The following CRK variants were observed in gnomAD, a reference collection of about 807,000 sequenced individuals.
The protein encoded by CRK is CRK proto-oncogene, adaptor protein.
A neutral mutation model predicts 29.8 loss-of-function variants in CRK; 4 were observed. That is an observed-to-expected ratio of 0.13 (90% CI 0.07 to 0.31). The LOEUF (loss-of-function observed/expected upper bound fraction) is 0.31, where lower values mean the gene tolerates loss of function less well. Among genes scored for constraint, CRK ranks in the 10% least tolerant of loss-of-function variants. The pLI is 1.00. For synonymous variants in CRK, 153 were observed against 164.9 expected (o/e 0.93, Z 0.55); for missense variants, 274 against 396.5 (o/e 0.69, Z 2.62).
chr17:1,436,197 C>T (rs935175517), intron 2 of CRK, among the ~76,000 whole-genome samples: 3 of 152,064 alleles, frequency 2.0e-5, no homozygotes, highest in African/African-American at 7.3e-5. Flanking sequence ...GAAGCAAAAA[C>T]AAGTTTTTGC....
At chr17:1,448,707 CA>C (rs1381334013) in intron 1 of CRK, among the ~76,000 whole-genome samples, 2 of 149,892 alleles carry the variant, frequency 1.3e-5, no homozygotes, top group Non-Finnish European at 2.9e-5. Context: ...ATTCCTTCAG[CA>C]ATTTTCAATT....
rs943701956 is a variant in CRK at position 1,456,193 on chromosome 17, G to A, written c.-76C>T. The stretch of plus-strand genomic sequence containing the variant: ...CGGCCCCCGGCGCCCGCCGCCCAGC[G>A]GACCGGCTCCGGTTTCAGCTTCACA... On this transcript the variant is annotated 5_prime_UTR_variant, in exon 1 of 3. Transcript: ENST00000300574. 6 of 1,356,914 alleles carry A rather than the reference G, an allele frequency of 4.4e-6. No individual in the cohort carries two copies. Among genetic ancestry groups the A allele is most frequent in the East Asian group, 6.3e-5 (2 of 31,860 alleles). 84.1% of individuals were successfully genotyped at this position (1,356,914 alleles called of 1,614,324 possible). A position where few individuals can be genotyped will look rare whatever the true frequency, so the allele number is the denominator to read the frequency against.
At chr17:1,435,814 T>C (rs1339741766) in intron 2 of CRK, among the ~76,000 whole-genome samples, 2 of 152,110 alleles carry the variant, frequency 1.3e-5, no homozygotes, top group African/African-American at 2.4e-5. Flanking sequence ...TGAGCCACTG[T>C]GCCCAGTCTG....
chr17:1,430,197 C>A (rs1367186969), intron 2 of CRK, among the ~76,000 whole-genome samples: 1 of 148,088 alleles, frequency 6.8e-6, no homozygotes, highest in Non-Finnish European at 1.5e-5. Flanking sequence ...GGCGTGTGCC[C>A]CCACGCCTGG....
chr17:1,447,267 C>T (rs1288921323), intron 1 of CRK, among the ~76,000 whole-genome samples: 1 of 152,142 alleles, frequency 6.6e-6, no homozygotes, highest in East Asian at 1.9e-4. Context: ...CGACAGGATT[C>T]TCATAGCTAT....
At chr17:1,455,730 AGCCCGAGCAGCCGGCGG>A in intron 1 of CRK, 130 bp downstream of exon 1, 1 of 1,207,652 alleles carries the variant, frequency 8.3e-7, no homozygotes, top group South Asian at 2.0e-5. Flanking sequence ...GGTGAGAGCG[AGCCCGAGCAGCCGGCGG>A]GCCCCTGCCA....
At chr17:1,443,795 G>A (rs1412405590) in intron 1 of CRK, among the ~76,000 whole-genome samples, 1 of 150,374 alleles carries the variant, frequency 6.7e-6, no homozygotes, top group Non-Finnish European at 1.5e-5. Flanking sequence ...TGCCTCCTGG[G>A]TTCATGCAAT....
chr17:1,439,092 G>A (rs529043617), intron 1 of CRK, among the ~76,000 whole-genome samples: 2 of 152,162 alleles, frequency 1.3e-5, no homozygotes, highest in South Asian at 2.1e-4. Flanking sequence ...CCCAAGTTTT[G>A]GGATCATAGG....
intron 1 of CRK, among the ~76,000 whole-genome samples, chr17:1,442,179 G>T (rs1342858102): frequency 6.7e-6 from 1 of 150,210 alleles, no homozygotes; most frequent in African/African-American, 2.5e-5. Context: ...TTTTGAGACA[G>T]GGTCTTGTTC....
chr17:1,436,968 A>G lies in CRK; in HGVS notation c.429T>C (p.Phe143=). ...GAAGATCTTCCTCATCATTCCCATT[A>G]AAGTCAAAGAGGGCTCGCACATACT... The part of the protein sequence containing the change: ...EAEYVRALFD[F]NGNDEEDLPF... The change falls in exon 2 of 3, where the codon TTT becomes TTC. Residue 143 remains phenylalanine, a synonymous_variant. Coordinates refer to ENST00000300574, the MANE Select transcript of CRK (RefSeq NM_016823.4). The G allele has an allele frequency of 6.2e-7, 1 of 1,614,100 alleles. No individual in the cohort carries two copies. Among genetic ancestry groups the G allele is most frequent in the Non-Finnish European group, 8.5e-7 (1 of 1,180,026 alleles).
chr17:1,453,011 A>G (rs566963143), intron 1 of CRK, among the ~76,000 whole-genome samples: 1 of 152,134 alleles, frequency 6.6e-6, no homozygotes, highest in Non-Finnish European at 1.5e-5. Flanking sequence ...AGGAGGATGA[A>G]GTGGGAGGAT....
intron 2 of CRK, among the ~76,000 whole-genome samples, chr17:1,429,198 CT>C (rs995283208): frequency 2.0e-5 from 3 of 149,574 alleles, no homozygotes; most frequent in Non-Finnish European, 4.5e-5. Context: ...AAATCTAAAA[CT>C]TTTTTTTTTA....
Position 1,423,524 on chromosome 17 carries a change from C to A in CRK, c.904G>T (p.Asp302Tyr). The change falls in exon 3 of 3, where the codon GAC becomes TAC. Residue 302 changes from aspartate to tyrosine, a missense_variant. Coordinates refer to ENST00000300574, the MANE Select transcript of CRK (RefSeq NM_016823.4). ...CTGTTGAACTATACTCAGCTGAAGT[C>A]CTCATCGGGATTCTGTTGATCCAGC... is the stretch of plus-strand genomic sequence containing the variant. ...RLLDQQNPDE[D>Y]FS 1 of 1,613,972 alleles carries A rather than the reference C, an allele frequency of 6.2e-7. No individual in the cohort carries two copies.
intron 1 of CRK, among the ~76,000 whole-genome samples, chr17:1,453,667 G>C (rs996893424): frequency 6.6e-6 from 1 of 152,188 alleles, no homozygotes; most frequent in Non-Finnish European, 1.5e-5. Flanking sequence ...AACACTTTGG[G>C]AGTCTGAGGT....
chr17:1,451,754 G>T (rs1182081511), intron 1 of CRK, among the ~76,000 whole-genome samples: 1 of 151,690 alleles, frequency 6.6e-6, no homozygotes, highest in South Asian at 2.1e-4. Context: ...CGAGGTGGGC[G>T]GATCACCTGA....
At chr17:1,443,042 G>T (rs1042609191) in intron 1 of CRK, among the ~76,000 whole-genome samples, 1 of 149,852 alleles carries the variant, frequency 6.7e-6, no homozygotes. Flanking sequence ...GCAGTGGTGC[G>T]ATCCTGGCTC....
intron 1 of CRK, among the ~76,000 whole-genome samples, chr17:1,439,115 C>T (rs1486635298): frequency 2.0e-5 from 3 of 151,830 alleles, no homozygotes; most frequent in Non-Finnish European, 2.9e-5. Context: ...TGGGACACCA[C>T]GACGGAGTCT....
Position 1,422,767 on chromosome 17 carries a change from C to G in CRK, c.*746G>C. 2.5e-6 allele frequency: 1 copy of G among 395,820 alleles called. No homozygotes were observed. The highest frequency in any genetic ancestry group is 4.5e-6 in the Non-Finnish European group (1 of 224,606). 24.5% of individuals were successfully genotyped at this position (395,820 alleles called of 1,614,324 possible). Reference sequence around the variant, plus strand: ...GGAAGGCAGAGAGCTGGGAGACTGGCTGTCCACTTAGTGAATCCAACACTG... The same window carrying G: ...GGAAGGCAGAGAGCTGGGAGACTGGGTGTCCACTTAGTGAATCCAACACTG... On this transcript the variant is annotated 3_prime_UTR_variant, in exon 3 of 3. Coordinates refer to ENST00000300574, the MANE Select transcript of CRK (RefSeq NM_016823.4).
chr17:1,450,615 G>C (rs1435051106), intron 1 of CRK, among the ~76,000 whole-genome samples: 1 of 152,194 alleles, frequency 6.6e-6, no homozygotes, highest in Non-Finnish European at 1.5e-5. Flanking sequence ...AGATGCGATG[G>C]CTCACACCTG....
Sources: gnomAD v4.1 joint callset for allele counts (sites outside exome capture counted in the v4.1 genomes callset) on GRCh38, gnomAD v4.1.1 for gene constraint, MANE v1.5 for transcripts, NCBI Gene and HGNC (gene_info 2026-07-23, HGNC 2026-07-21) for gene names.